RPS6KA1: variants seen among roughly 807,000 people sequenced by gnomAD.
RPS6KA1 encodes the protein ribosomal protein S6 kinase alpha-1.
Under a neutral mutation model 91.3 loss-of-function variants are expected in RPS6KA1, and 48 were observed. The observed-to-expected ratio is 0.53, with a 90% CI of 0.42 to 0.67. RPS6KA1 has a LOEUF of 0.67. Ranked by LOEUF, RPS6KA1 falls within the 30% of genes least tolerant of loss-of-function variation. RPS6KA1 has a pLI of 0.00. For synonymous variants in RPS6KA1, 359 were observed against 384.7 expected (o/e 0.93, Z 0.78); for missense variants, 719 against 960.5 (o/e 0.75, Z 3.32).
intron 2 of RPS6KA1, among the ~76,000 whole-genome samples, chr1:26,537,666 C>G (rs1377336934): frequency 6.6e-6 from 1 of 152,212 alleles, no homozygotes; most frequent in East Asian, 1.9e-4. Context: ...ATCCCCTTCA[C>G]AGGGTGGCTG....
chr1:26,541,414 G>C (rs2075946817), intron 2 of RPS6KA1, among the ~76,000 whole-genome samples: 1 of 152,038 alleles, frequency 6.6e-6, no homozygotes, highest in Admixed American at 6.6e-5. Context: ...AATTAGCCAG[G>C]CATTGTGGAG....
Position 26,558,794 on chromosome 1 carries a change from T to C in RPS6KA1, c.1085-13T>C, listed in dbSNP as rs1215510662. On this transcript the variant is annotated splice_polypyrimidine_tract_variant and intron_variant, in intron 13 of 21. Coordinates refer to ENST00000374168, the MANE Select transcript of RPS6KA1 (RefSeq NM_002953.4). The surrounding 1 kb of genome is among the most constrained non-coding windows in gnomAD (Gnocchi z 4.0). ...TCCTCAGGTACCCTCACATTCTCCT[T>C]CCATCCGTACAGATTCCCCAGGCAT... is the stretch of plus-strand genomic sequence containing the variant. 1 of 1,592,890 alleles carries C rather than the reference T, an allele frequency of 6.3e-7. No individual in the cohort carries two copies. Among genetic ancestry groups the C allele is most frequent in the Non-Finnish European group, 8.6e-7 (1 of 1,164,684 alleles).
rs930875995 is a variant in RPS6KA1 at position 26,554,339 on chromosome 1, C to G, written c.613+88C>G. ...CTCGGCTGAGTGCTGGGGGCTCATT[C>G]TTCCCGAGAAGCCGTGCCAGTTACT... On this transcript the variant is annotated intron_variant, in intron 8 of 21. Transcript: ENST00000374168. This position sits in a 1 kb window ranked among gnomAD's most constrained non-coding sequence, Gnocchi z 4.6. 11 of 1,380,838 alleles carry G rather than the reference C, an allele frequency of 8.0e-6. No individual in the cohort carries two copies. Among genetic ancestry groups the G allele is most frequent in the Non-Finnish European group, 1.1e-5 (11 of 1,007,912 alleles). The allele number at this position is 1,380,838 out of a possible 1,614,324, so 85.5% of individuals were successfully genotyped here. A position where few individuals can be genotyped will look rare whatever the true frequency, so the allele number is the denominator to read the frequency against.
chr1:26,574,257 T>A lies in RPS6KA1; in HGVS notation c.*56T>A. Reference sequence around the variant, plus strand: ...GCTAGCTTGACACAGTCAGCATGCTTCCCAGAGGGAGCAGGCCGGAACCAC... The same window carrying A: ...GCTAGCTTGACACAGTCAGCATGCTACCCAGAGGGAGCAGGCCGGAACCAC... On this transcript the variant is annotated 3_prime_UTR_variant, in exon 22 of 22. Transcript: ENST00000374168. The surrounding 1 kb of genome is among the most constrained non-coding windows in gnomAD (Gnocchi z 4.3). The A allele has an allele frequency of 6.2e-7, 1 of 1,607,240 alleles. No individual in the cohort carries two copies.
rs1570453355 is a variant in RPS6KA1, at chr1:26,561,555, T to G, written c.1482T>G (p.Gly494=). 1.2e-6 allele frequency: 2 copies of G among 1,613,714 alleles called. No homozygotes were observed. Among genetic ancestry groups the G allele is most frequent in the Non-Finnish European group, 1.7e-6 (2 of 1,179,930 alleles). The change falls in exon 17 of 22, where the codon GGT becomes GGG. Residue 494 remains glycine, a synonymous_variant. Transcript: ENST00000374168. This position sits in a 1 kb window ranked among gnomAD's most constrained non-coding sequence, Gnocchi z 5.7. ...HVYLVTELMR[G]GELLDKILRQ... is the part of the protein sequence containing the mutation. ...ACCTGGTGACAGAGCTGATGCGGGG[T>G]GGGGAGCTGCTGGACAAGATCCTGC...
rs2290590 is a variant in RPS6KA1 at position 26,556,886 on chromosome 1, G to A, written c.982-112G>A. On this transcript the variant is annotated intron_variant, in intron 12 of 21. Transcript: ENST00000374168. ...TGGCCTCCTGAGGGCAAGCAATTCCGAGAGCTGGGCAATATGGCCTATGTT... is the reference window on the plus strand; with the variant it reads ...TGGCCTCCTGAGGGCAAGCAATTCCAAGAGCTGGGCAATATGGCCTATGTT... 5,941 of 1,162,934 alleles carry A rather than the reference G, an allele frequency of 5.1e-3. 246 individuals are homozygous for A. The Admixed American group carries it at 0.083, about 16-fold the overall frequency. 72.0% of individuals were successfully genotyped at this position (1,162,934 alleles called of 1,614,324 possible). A position where few individuals can be genotyped will look rare whatever the true frequency, so the allele number is the denominator to read the frequency against.
In RPS6KA1 at chr1:26,574,207, C is replaced by T. The variant is rs181744837; in HGVS notation, c.*6C>T. ...TGCCATCCACCACCCTGTGAGGCAC[C>T]AGGGCATTCGGGCCACAGGGCGGTG... On this transcript the variant is annotated 3_prime_UTR_variant, in exon 22 of 22. Transcript: ENST00000374168. The surrounding 1 kb of genome is among the most constrained non-coding windows in gnomAD (Gnocchi z 4.3). 2.2e-4 allele frequency: 351 copies of T among 1,614,046 alleles called. No homozygotes were observed. In the East Asian group the frequency reaches 3.8e-3, roughly 17 times the overall value.
intron 17 of RPS6KA1, among the ~76,000 whole-genome samples, chr1:26,563,543 A>G (rs2076173090): frequency 6.6e-6 from 1 of 152,100 alleles, no homozygotes; most frequent in Non-Finnish European, 1.5e-5. Context: ...CTTCTTTTTT[A>G]AAACTGGAGG....
intron 1 of RPS6KA1, among the ~76,000 whole-genome samples, chr1:26,535,297 C>G (rs1216778244): frequency 1.3e-5 from 2 of 151,592 alleles, no homozygotes; most frequent in Admixed American, 1.3e-4. Flanking sequence ...CTGGGAGTGG[C>G]AATGGGGAGC....
chr1:26,572,769 CCAGA>C (rs1186332286), intron 20 of RPS6KA1, among the ~76,000 whole-genome samples: 7 of 152,266 alleles, frequency 4.6e-5, no homozygotes, highest in Middle Eastern at 6.8e-3. Context: ...AACCTGTATG[CCAGA>C]CAGAGTTGAA....
Position 26,555,715 on chromosome 1 carries a change from A to C in RPS6KA1, c.916+90A>C, listed in dbSNP as rs956251325. 18 of 1,276,548 alleles carry C rather than the reference A, an allele frequency of 1.4e-5. No individual in the cohort carries two copies. The highest frequency in any genetic ancestry group is 1.8e-5 in the Non-Finnish European group (16 of 898,546). The allele number at this position is 1,276,548 out of a possible 1,614,324, so 79.1% of individuals were successfully genotyped here. A position where few individuals can be genotyped will look rare whatever the true frequency, so the allele number is the denominator to read the frequency against. On this transcript the variant is annotated intron_variant, in intron 11 of 21. Transcript: ENST00000374168. This position sits in a 1 kb window ranked among gnomAD's most constrained non-coding sequence, Gnocchi z 4.3. ...GCCACAGGGCCACATCTGGGCTGAA[A>C]GGGGCCGTTGTCCTTTGTGTGGGCA...
At chr1:26,544,175 C>G (rs1295460573) in intron 2 of RPS6KA1, 2 of 456,314 alleles carry the variant, frequency 4.4e-6, no homozygotes, top group East Asian at 7.0e-5. Flanking sequence ...CCTATCTGCC[C>G]TAGGTATTGT....
At chr1:26,546,142 T>G in intron 2 of RPS6KA1, 2 of 1,339,226 alleles carry the variant, frequency 1.5e-6, no homozygotes, top group Non-Finnish European at 2.0e-6. Context: ...GGCCCAGGCC[T>G]GGCCCTGCAG....
intron 21 of RPS6KA1, among the ~76,000 whole-genome samples, chr1:26,573,627 G>T (rs1320154180): frequency 6.6e-6 from 1 of 152,152 alleles, no homozygotes; most frequent in Non-Finnish European, 1.5e-5. Context: ...TGACCATAAA[G>T]GACCACTGAG....
chr1:26,534,198 T>G (rs1259476374), intron 1 of RPS6KA1, among the ~76,000 whole-genome samples: 3 of 152,174 alleles, frequency 2.0e-5, no homozygotes. Context: ...GTGAGTCCCT[T>G]AACTCTCCTG....
rs1381526609 is a variant in RPS6KA1, at chr1:26,554,818, T to A, written c.756+80T>A. 3 of 1,498,828 alleles carry A rather than the reference T, an allele frequency of 2.0e-6. No homozygotes were observed. Among genetic ancestry groups the A allele is most frequent in the Non-Finnish European group, 2.7e-6 (3 of 1,111,026 alleles). 92.8% of individuals were successfully genotyped at this position (1,498,828 alleles called of 1,614,324 possible). ...CCTATCTGTACAGTGAGGGGGTTGA[T>A]CATTTCTAGGGCTCTCCCCGTCTCC... On this transcript the variant is annotated intron_variant, in intron 9 of 21. Coordinates refer to ENST00000374168, the MANE Select transcript of RPS6KA1 (RefSeq NM_002953.4). The surrounding 1 kb of genome is among the most constrained non-coding windows in gnomAD (Gnocchi z 4.6).
intron 2 of RPS6KA1, among the ~76,000 whole-genome samples, chr1:26,541,567 G>C (rs1440584394): frequency 6.6e-6 from 1 of 152,118 alleles, no homozygotes; most frequent in East Asian, 1.9e-4. Context: ...AGAAAAAAAA[G>C]GCTGTGTGCG....
Position 26,554,926 on chromosome 1 carries a change from C to T in RPS6KA1, c.756+188C>T, listed in dbSNP as rs960709659. ...ATCCCAGGCTTGACCCCACCTGGGA[C>T]GCGCCTAACCCAGTGCTGGCCTTCT... On this transcript the variant is annotated intron_variant, in intron 9 of 21. Transcript: ENST00000374168. This position sits in a 1 kb window ranked among gnomAD's most constrained non-coding sequence, Gnocchi z 4.6. 2.0e-5 allele frequency among the ~76,000 whole-genome samples: 3 copies of T among 152,198 alleles called. No individual in the cohort carries two copies. Among genetic ancestry groups the T allele is most frequent in the African/African-American group, 7.2e-5 (3 of 41,450 alleles).
At chr1:26,530,624 G>A in intron 1 of RPS6KA1, 2 of 526,990 alleles carry the variant, frequency 3.8e-6, no homozygotes, top group Non-Finnish European at 5.8e-6. Flanking sequence ...GGCAGGGCGT[G>A]GGGGGACCTT....
Sources: allele counts gnomAD v4.1 joint callset (sites outside exome capture counted in the v4.1 genomes callset), GRCh38; gene constraint gnomAD v4.1.1; non-coding constraint Gnocchi (gnomAD v3.1); transcripts MANE v1.5; gene names NCBI Gene and HGNC (gene_info 2026-07-23, HGNC 2026-07-21).